Variants in FMN1 observed in about 807,000 individuals in gnomAD.
FMN1 encodes the protein formin-1.
Under a neutral mutation model 132.4 loss-of-function variants are expected in FMN1, and 110 were observed. The ratio of observed to expected loss-of-function variants is 0.83; its 90% CI spans 0.71 to 0.97. The LOEUF (loss-of-function observed/expected upper bound fraction) is 0.97, where lower values mean the gene tolerates loss of function less well. FMN1 is among the 50% of genes least tolerant of loss of function. The pLI is 0.00. For missense variants in FMN1, 1,792 were observed against 1,705.3 expected (o/e 1.05, Z -0.90); for synonymous variants, 722 against 651.7 (o/e 1.11, Z -1.64).
intron 2 of FMN1, among the ~76,000 whole-genome samples, chr15:33,181,593 G>C (rs970036884): frequency 6.6e-6 from 1 of 152,172 alleles, no homozygotes; most frequent in Non-Finnish European, 1.5e-5. Context: ...GGAGGCTTTC[G>C]GGGCTGTGAT....
chr15:32,873,582 C>T (rs1218596085), intron 16 of FMN1, among the ~76,000 whole-genome samples: 3 of 151,948 alleles, frequency 2.0e-5, no homozygotes, highest in Non-Finnish European at 4.4e-5. Flanking sequence ...GAGGCTATTA[C>T]GTGGTTATAC....
At chr15:32,904,873 C>A (rs1256528640) in intron 12 of FMN1, among the ~76,000 whole-genome samples, 1 of 152,158 alleles carries the variant, frequency 6.6e-6, no homozygotes, top group Non-Finnish European at 1.5e-5. Flanking sequence ...TTCCCCTGCC[C>A]TGCCCCATTA....
chr15:32,875,261 T>A (rs2059611665), intron 16 of FMN1, among the ~76,000 whole-genome samples: 1 of 152,186 alleles, frequency 6.6e-6, no homozygotes, highest in Non-Finnish European at 1.5e-5. Flanking sequence ...AGTAGCTGAG[T>A]CAGGATCTGA....
At chr15:32,991,157 C>G in intron 7 of FMN1, among the ~76,000 whole-genome samples, 2 of 152,254 alleles carry the variant, frequency 1.3e-5, no homozygotes, top group Non-Finnish European at 2.9e-5. Flanking sequence ...GCATTTATAG[C>G]CCATAGACAA....
chr15:33,061,621 A>C (rs1207709890), intron 6 of FMN1, among the ~76,000 whole-genome samples: 1 of 147,626 alleles, frequency 6.8e-6, no homozygotes, highest in Non-Finnish European at 1.5e-5. Flanking sequence ...ATGAATATAT[A>C]AGGAAATCCA....
intron 17 of FMN1, among the ~76,000 whole-genome samples, chr15:32,845,816 G>C (rs2058842284): frequency 6.6e-6 from 1 of 152,038 alleles, no homozygotes; most frequent in African/African-American, 2.4e-5. Flanking sequence ...GGGTCAAAGT[G>C]GGACAATAAG....
chr15:32,937,655 C>T (rs1049615683), intron 9 of FMN1, among the ~76,000 whole-genome samples: 4 of 152,164 alleles, frequency 2.6e-5, no homozygotes, highest in Non-Finnish European at 5.9e-5. Context: ...AAATATGCTC[C>T]CAGTCACAAA....
chr15:33,126,072 C>A (rs116187337), intron 4 of FMN1, among the ~76,000 whole-genome samples: 2,317 of 152,232 alleles, frequency 0.015, 61 homozygotes, highest in African/African-American at 0.054. Flanking sequence ...GATGAAAGGG[C>A]TTTGCAGGTG....
intron 5 of FMN1, among the ~76,000 whole-genome samples, chr15:33,073,782 G>A (rs1408664730): frequency 6.7e-6 from 1 of 149,778 alleles, no homozygotes; most frequent in African/African-American, 2.5e-5. Flanking sequence ...CCAGGCTGAA[G>A]TACAGTGGCA....
At chr15:32,962,393 A>G (rs1323140865) in intron 9 of FMN1, among the ~76,000 whole-genome samples, 1 of 151,996 alleles carries the variant, frequency 6.6e-6, no homozygotes, top group Admixed American at 6.5e-5. Context: ...AAAACCCTAG[A>G]AGAAAACCTA....
intron 4 of FMN1, among the ~76,000 whole-genome samples, chr15:33,099,171 G>A (rs2039198615): frequency 6.6e-6 from 1 of 152,104 alleles, no homozygotes; most frequent in Non-Finnish European, 1.5e-5. Flanking sequence ...CGCACCTGTA[G>A]TCTCAGCTAC....
chr15:33,051,574 A>G (rs1297413952), intron 6 of FMN1, among the ~76,000 whole-genome samples: 1 of 152,228 alleles, frequency 6.6e-6, no homozygotes, highest in Non-Finnish European at 1.5e-5. Context: ...ACTGGTGATC[A>G]GCAGCTTCCT....
intron 5 of FMN1, among the ~76,000 whole-genome samples, chr15:33,088,333 T>C (rs1344658633): frequency 2.6e-5 from 4 of 152,266 alleles, no homozygotes; most frequent in Admixed American, 6.5e-5. Context: ...GCAGATTTTC[T>C]GCCAACCTAG....
intron 6 of FMN1, among the ~76,000 whole-genome samples, chr15:33,026,432 ACACACAC>A (rs1476939302): frequency 6.6e-6 from 1 of 151,942 alleles, no homozygotes; most frequent in African/African-American, 2.4e-5. Context: ...ACACACACAC[ACACACAC>A]TTCTGTTTAT....
intron 19 of FMN1, among the ~76,000 whole-genome samples, chr15:32,785,801 G>A (rs56319516): frequency 0.012 from 1,810 of 152,134 alleles, 33 homozygotes; most frequent in African/African-American, 0.041. Context: ...GATCATGTAT[G>A]TTTCTTGATC....
chr15:33,070,910 TAA>T (rs371132865), intron 5 of FMN1, among the ~76,000 whole-genome samples: 115 of 152,290 alleles, frequency 7.6e-4, no homozygotes, highest in African/African-American at 2.7e-3. Flanking sequence ...CACAGAAGAT[TAA>T]AAGTCTTGCC....
intron 16 of FMN1, among the ~76,000 whole-genome samples, chr15:32,877,069 T>A (rs1335247629): frequency 6.6e-6 from 1 of 152,198 alleles, no homozygotes; most frequent in Admixed American, 6.5e-5. Flanking sequence ...GTGGATCACC[T>A]GAAGTCAGGA....
intron 9 of FMN1, among the ~76,000 whole-genome samples, chr15:32,939,217 AC>A (rs1305361665): frequency 6.6e-6 from 1 of 152,238 alleles, no homozygotes; most frequent in Non-Finnish European, 1.5e-5. Flanking sequence ...TAGCTATCTC[AC>A]TGCTGGGGCA....
At chr15:32,914,285 T>C (rs2060630808) in intron 10 of FMN1, among the ~76,000 whole-genome samples, 1 of 152,216 alleles carries the variant, frequency 6.6e-6, no homozygotes, top group African/African-American at 2.4e-5. Flanking sequence ...TAATCACCAA[T>C]AATTAAGCTA....
Sources: gnomAD v4.1 joint callset for allele counts (sites outside exome capture counted in the v4.1 genomes callset) on GRCh38, gnomAD v4.1.1 for gene constraint, MANE v1.5 for transcripts, NCBI Gene and HGNC (gene_info 2026-07-23, HGNC 2026-07-21) for gene names.